The following THSD7B variants were observed in gnomAD, a reference collection of about 807,000 sequenced individuals.
THSD7B encodes thrombospondin type 1 domain containing 7B, also known as thrombospondin type-1 domain-containing protein 7B.
THSD7B carries 138 observed loss-of-function variants against 213.6 expected under a neutral mutation model. The observed-to-expected ratio is 0.65, with a 90% CI of 0.56 to 0.74. The LOEUF (loss-of-function observed/expected upper bound fraction) is 0.74, where lower values mean the gene tolerates loss of function less well. Ranked by LOEUF, THSD7B falls within the 30% of genes least tolerant of loss-of-function variation. THSD7B has a pLI of 0.00. For synonymous variants in THSD7B, 742 were observed against 687.0 expected, an observed-to-expected ratio of 1.08 and a Z score of -1.25; for missense variants, 1,931 against 1,991.5, an observed-to-expected ratio of 0.97 and a Z score of 0.58.
intron 16 of THSD7B, among the ~76,000 whole-genome samples, chr2:137,572,189 A>C (rs1157392217): frequency 6.6e-6 from 1 of 152,134 alleles, no homozygotes; most frequent in Admixed American, 6.5e-5. Flanking sequence ...TAGTCTTTCC[A>C]TTGTTCTCCC....
chr2:137,598,737 A>G (rs1018452033), intron 17 of THSD7B, among the ~76,000 whole-genome samples: 1 of 152,174 alleles, frequency 6.6e-6, no homozygotes, highest in Non-Finnish European at 1.5e-5. Flanking sequence ...ATAGATTACT[A>G]TACTCTATCT....
intron 10 of THSD7B, among the ~76,000 whole-genome samples, chr2:137,268,214 T>C (rs1682644873): frequency 1.3e-5 from 2 of 152,088 alleles, no homozygotes; most frequent in Admixed American, 1.3e-4. Context: ...GCAGGTTTGT[T>C]AAGTAAGTAT....
intron 1 of THSD7B, among the ~76,000 whole-genome samples, chr2:136,881,303 T>G (rs1294617448): frequency 6.6e-6 from 1 of 152,138 alleles, no homozygotes; most frequent in Non-Finnish European, 1.5e-5. Context: ...CTCCAAATCA[T>G]GAGCTCCTCA....
chr2:137,129,784 A>G (rs1688695453), intron 5 of THSD7B, among the ~76,000 whole-genome samples: 2 of 152,154 alleles, frequency 1.3e-5, no homozygotes. Flanking sequence ...ATTTCTTAAT[A>G]CCATTTATGA....
At position 137,397,495 on chromosome 2, in the gene THSD7B, C is replaced by T. The variant is rs1449507714; in HGVS notation, c.2501-8118C>T. On this transcript the variant is annotated intron_variant, in intron 12 of 27. Coordinates refer to ENST00000409968, the MANE Select transcript of THSD7B (RefSeq NM_001316349.2). ...TTTAAGAATGTTGAATATTGGCCCC[C>T]ACTCTCTTCTGGCTTGTAGGGTTTC... Among the ~76,000 whole-genome samples the T allele has an allele frequency of 4.6e-5, 7 of 151,886 alleles. No individual in the cohort carries two copies. The South Asian group carries it at 1.5e-3, about 32-fold the overall frequency.
chr2:137,614,632 A>G (rs574780516), intron 17 of THSD7B, among the ~76,000 whole-genome samples: 38 of 152,160 alleles, frequency 2.5e-4, no homozygotes, highest in Non-Finnish European at 1.6e-4. Flanking sequence ...AGCATTTAGC[A>G]TGGAATTCAT....
chr2:136,977,083 A>G (rs1685493286), intron 2 of THSD7B, among the ~76,000 whole-genome samples: 1 of 152,052 alleles, frequency 6.6e-6, no homozygotes, highest in Admixed American at 6.5e-5. Context: ...TTTAGCTGTA[A>G]ATCTGTCTGG....
chr2:137,429,372 CA>C (rs1251447620), intron 14 of THSD7B, among the ~76,000 whole-genome samples: 1 of 152,058 alleles, frequency 6.6e-6, no homozygotes, highest in Non-Finnish European at 1.5e-5. Context: ...CAAAGAATAA[CA>C]ATTCAAAGGA....
chr2:137,488,932 G>A (rs1183336874), intron 15 of THSD7B, among the ~76,000 whole-genome samples: 1 of 152,120 alleles, frequency 6.6e-6, no homozygotes, highest in Non-Finnish European at 1.5e-5. Context: ...CCACTGCTGT[G>A]TACATTCTGG....
Position 137,004,023 on chromosome 2 carries a change from C to T in THSD7B, c.140-52397C>T, listed in dbSNP as rs181527120. 7.2e-5 allele frequency among the ~76,000 whole-genome samples: 11 copies of T among 152,206 alleles called. No homozygotes were observed. In the South Asian group the frequency reaches 1.2e-3, roughly 17 times the overall value. ...TGCCCTTCACCCTCCCCTGTTGCTTCCTAAAGGAAATGAGCCTTAAGCTGC... is the reference window on the plus strand; with the variant it reads ...TGCCCTTCACCCTCCCCTGTTGCTTTCTAAAGGAAATGAGCCTTAAGCTGC... On this transcript the variant is annotated intron_variant, in intron 2 of 27. Transcript: ENST00000409968.
chr2:136,783,421 C>T (rs1356282306), intron 1 of THSD7B, among the ~76,000 whole-genome samples: 2 of 152,090 alleles, frequency 1.3e-5, no homozygotes, highest in African/African-American at 4.8e-5. Flanking sequence ...GATGGGTACT[C>T]ATTCAAAAGA....
chr2:137,212,784 A>G (rs1227960472), intron 7 of THSD7B, among the ~76,000 whole-genome samples: 1 of 152,060 alleles, frequency 6.6e-6, no homozygotes, highest in Non-Finnish European at 1.5e-5. Context: ...ATATGTGAAA[A>G]CATGCACTGA....
intron 2 of THSD7B, among the ~76,000 whole-genome samples, chr2:137,048,702 T>C (rs1381353215): frequency 6.6e-6 from 1 of 152,194 alleles, no homozygotes. Context: ...GTAGACAACA[T>C]AAAAGAAAGC....
intron 2 of THSD7B, among the ~76,000 whole-genome samples, chr2:137,022,307 GT>G (rs1169709429): frequency 3.0e-4 from 45 of 152,278 alleles, no homozygotes; most frequent in African/African-American, 1.1e-3. Flanking sequence ...CACTAGTAAT[GT>G]ACGAATGAGT....
At chr2:137,554,456 G>T (rs903864222) in intron 15 of THSD7B, among the ~76,000 whole-genome samples, 4 of 152,156 alleles carry the variant, frequency 2.6e-5, no homozygotes, top group African/African-American at 9.7e-5. Context: ...GTCAAACTGT[G>T]TCTCTCTGAG....
Position 137,667,849 on chromosome 2 carries a change from C to T in THSD7B, c.4727C>T (p.Ser1576Phe), listed in dbSNP as rs1436488709. ...FLIMIFLIFT[S>F]YLVCKKPKPH... The stretch of plus-strand genomic sequence containing the variant: ...ATCATGATTTTCCTAATATTTACTT[C>T]CTACCTTGTTTGGTAAGTACTAATT... The change falls in exon 27 of 28, where the codon TCC (serine) becomes TTC (phenylalanine). Residue 1576 changes from serine to phenylalanine, a missense_variant. Transcript: ENST00000409968. 1.3e-6 allele frequency: 2 copies of T among 1,592,382 alleles called. No individual in the cohort carries two copies. The highest frequency in any genetic ancestry group is 1.7e-6 in the Non-Finnish European group (2 of 1,168,006).
At chr2:136,800,110 T>G (rs568142771) in intron 1 of THSD7B, among the ~76,000 whole-genome samples, 53 of 152,150 alleles carry the variant, frequency 3.5e-4, no homozygotes, top group African/African-American at 1.3e-3. Context: ...ATATTATAAT[T>G]TAAAGAAACG....
intron 7 of THSD7B, among the ~76,000 whole-genome samples, chr2:137,201,188 G>A (rs953076011): frequency 1.3e-5 from 2 of 152,046 alleles, no homozygotes; most frequent in Admixed American, 6.6e-5. Flanking sequence ...GGCCATTTTA[G>A]TGTGTGTCTT....
chr2:137,411,275 C>A (rs1686645671), intron 13 of THSD7B, among the ~76,000 whole-genome samples: 1 of 152,176 alleles, frequency 6.6e-6, no homozygotes, highest in Non-Finnish European at 1.5e-5. Flanking sequence ...AGAATGGGGA[C>A]AGGGTTATCA....
Sources: allele counts gnomAD v4.1 joint callset (sites outside exome capture counted in the v4.1 genomes callset), GRCh38; gene constraint gnomAD v4.1.1; transcripts MANE v1.5; gene names NCBI Gene and HGNC (gene_info 2026-07-23, HGNC 2026-07-21).